The following PREX1 variants were observed in gnomAD, a reference collection of about 807,000 sequenced individuals.
PREX1 encodes phosphatidylinositol-3,4,5-trisphosphate dependent Rac exchange factor 1.
A neutral mutation model predicts 198.3 loss-of-function variants in PREX1; 41 were observed. The observed-to-expected ratio is 0.21, with a 90% CI of 0.16 to 0.27. The LOEUF is 0.27. PREX1 is among the 10% of genes least tolerant of loss of function. The pLI, the probability that PREX1 is intolerant of heterozygous loss-of-function variation, is 1.00. For synonymous variants in PREX1, 843 were observed against 887.2 expected (o/e 0.95, Z 0.89); for missense variants, 1,620 against 2,200.7 (o/e 0.74, Z 5.28).
chr20:48,735,958 C>T (rs1205735462), intron 3 of PREX1, among the ~76,000 whole-genome samples: 4 of 152,148 alleles, frequency 2.6e-5, no homozygotes, highest in Non-Finnish European at 5.9e-5. Flanking sequence ...CTGAAGGGCA[C>T]AGAGTGACTC....
At chr20:48,765,097 G>A (rs16994118) in intron 1 of PREX1, among the ~76,000 whole-genome samples, 4,859 of 152,258 alleles carry the variant, frequency 0.032, 129 homozygotes, top group African/African-American at 0.07. Flanking sequence ...CTGCTAGCTC[G>A]AAACATGTAC....
chr20:48,808,195 G>A lies in PREX1; in HGVS notation c.219+19447C>T, dbSNP rs79111075. Among the ~76,000 whole-genome samples the A allele has an allele frequency of 5.1e-3, 784 of 152,272 alleles. 6 individuals are homozygous for A. The highest frequency in any genetic ancestry group is 5.8e-3 in the Non-Finnish European group (392 of 68,010). ...GGGGCTGACCTCAGGCACAGGCACC[G>A]TGGGCAGAGCTGGAGCGGCCCCAAA... is the stretch of plus-strand genomic sequence containing the variant. On this transcript the variant is annotated intron_variant, in intron 1 of 39. Transcript: ENST00000371941.
At chr20:48,734,699 A>C (rs773264057) in intron 3 of PREX1, 49 bp from the exon 4 acceptor site, 17 of 1,547,814 alleles carry the variant, frequency 1.1e-5, no homozygotes, top group Non-Finnish European at 1.5e-5. Context: ...GGTAGCAGGC[A>C]GGTGCCCTGA....
chr20:48,653,889 G>A (rs116983962), intron 19 of PREX1, among the ~76,000 whole-genome samples: 292 of 152,336 alleles, frequency 1.9e-3, no homozygotes, highest in Middle Eastern at 0.014. Flanking sequence ...CCAGAAGCCA[G>A]GATTCCAACC....
At position 48,739,364 on chromosome 20, in the gene PREX1, TAGTATA is replaced by T. The variant is rs896008248; in HGVS notation, c.415-4720_415-4715del. ...GCTCATTTCAGACACATATTTTTTTTAGTATAAGTATGTCTCAAATATTCCATAAGA... is the reference window on the plus strand; with the variant it reads ...GCTCATTTCAGACACATATTTTTTTTAGTATGTCTCAAATATTCCATAAGA... On this transcript the variant is annotated intron_variant, in intron 3 of 39. Coordinates refer to ENST00000371941, the MANE Select transcript of PREX1 (RefSeq NM_020820.4). Among the ~76,000 whole-genome samples the T allele has an allele frequency of 3.3e-5, 5 of 152,342 alleles. No individual in the cohort carries two copies. The East Asian group carries it at 5.8e-4, about 18-fold the overall frequency.
chr20:48,713,863 A>G (rs1355065835), intron 5 of PREX1, among the ~76,000 whole-genome samples: 1 of 140,716 alleles, frequency 7.1e-6, no homozygotes, highest in Non-Finnish European at 1.5e-5. Flanking sequence ...ACTATAAAAA[A>G]AAAAAAAAAA....
chr20:48,733,660 G>A (rs1017527141), intron 4 of PREX1, among the ~76,000 whole-genome samples: 1 of 146,838 alleles, frequency 6.8e-6, no homozygotes, highest in African/African-American at 2.5e-5. Context: ...GCCCTCTCAG[G>A]TCTTAAACTC....
At chr20:48,800,138 A>T (rs1035171620) in intron 1 of PREX1, among the ~76,000 whole-genome samples, 2 of 152,180 alleles carry the variant, frequency 1.3e-5, no homozygotes, top group Non-Finnish European at 2.9e-5. Context: ...TACAACCCTT[A>T]AGGTAGCTAC....
At chr20:48,776,124 C>A (rs781508110) in intron 1 of PREX1, among the ~76,000 whole-genome samples, 7 of 152,138 alleles carry the variant, frequency 4.6e-5, no homozygotes, top group Non-Finnish European at 7.4e-5. Context: ...CCCCAAGGCC[C>A]AGCTGGAGAC....
At chr20:48,884,840 G>A in the PREX1 span, among the ~76,000 whole-genome samples, 5 of 152,148 alleles carry the variant, frequency 3.3e-5, no homozygotes, top group Non-Finnish European at 5.9e-5. Context: ...GGCAGGGCAC[G>A]GTGGCTCATG....
chr20:48,636,502 G>T lies in PREX1; in HGVS notation c.4128C>A (p.Val1376=). ...AGAGCAGGGACTGGCAGTGCAGCAGGACGCCCGTGGCCGCCACCTGCTCCA... is the reference window on the plus strand; with the variant it reads ...AGAGCAGGGACTGGCAGTGCAGCAGTACGCCCGTGGCCGCCACCTGCTCCA... The part of the protein sequence containing the change: ...KWLEQVAATG[V]LLHCQSLLSP... Residue 1376 remains valine, a synonymous_variant, in exon 32 of 40, where the codon GTC becomes GTA. Coordinates refer to ENST00000371941, the MANE Select transcript of PREX1 (RefSeq NM_020820.4). The T allele has an allele frequency of 6.2e-7, 1 of 1,609,294 alleles. No homozygotes were observed.
chr20:48,651,658 G>T, intron 21 of PREX1, 75 bp from the exon 22 acceptor site: 1 of 1,456,730 alleles, frequency 6.9e-7, no homozygotes. Context: ...GGATTCTGGA[G>T]GAAGCCTTCC....
chr20:48,801,576 G>A (rs1000526673), intron 1 of PREX1, among the ~76,000 whole-genome samples: 3 of 152,190 alleles, frequency 2.0e-5, no homozygotes, highest in Non-Finnish European at 4.4e-5. Context: ...ACCAGCCTGC[G>A]TCCTGCATCC....
intron 1 of PREX1, among the ~76,000 whole-genome samples, chr20:48,816,224 G>A (rs890675150): frequency 7.2e-5 from 11 of 152,288 alleles, no homozygotes. Context: ...CAGAGAGGGA[G>A]TAAATAAAGT....
chr20:48,864,779 A>G, the PREX1 span, among the ~76,000 whole-genome samples: 27 of 152,294 alleles, frequency 1.8e-4, no homozygotes, highest in East Asian at 2.1e-3. Flanking sequence ...GAGAAGCCAA[A>G]CTTCATTGTT....
In PREX1 at chr20:48,666,160, C is replaced by G. The variant is rs566214122; in HGVS notation, c.1738+123G>C. 4.2e-6 allele frequency: 4 copies of G among 955,598 alleles called. No individual in the cohort carries two copies. In the South Asian group the frequency reaches 6.1e-5, roughly 15 times the overall value. The allele number at this position is 955,598 out of a possible 1,614,324, so 59.2% of individuals were successfully genotyped here. A position where few individuals can be genotyped will look rare whatever the true frequency, so the allele number is the denominator to read the frequency against. On this transcript the variant is annotated intron_variant, in intron 15 of 39. Transcript: ENST00000371941. The surrounding 1 kb of genome is among the most constrained non-coding windows in gnomAD (Gnocchi z 4.3). Reference sequence around the variant, plus strand: ...AGGGGAGGGAGGTGGGATTCGTGAGCCTCCCCAAACCCCCGGGGGTCTAGA... The same window carrying G: ...AGGGGAGGGAGGTGGGATTCGTGAGGCTCCCCAAACCCCCGGGGGTCTAGA...
At chr20:48,839,034 T>C in the PREX1 span, among the ~76,000 whole-genome samples, 2 of 148,736 alleles carry the variant, frequency 1.3e-5, no homozygotes, top group South Asian at 4.3e-4. Context: ...AGGAAATATA[T>C]TTTAAAATAA....
intron 33 of PREX1, 145 bp downstream of exon 33, chr20:48,634,531 G>T (rs927613703): frequency 9.3e-6 from 6 of 643,606 alleles, no homozygotes; most frequent in Non-Finnish European, 5.2e-6. Context: ...TCATGTTGGA[G>T]GCATGAGGTT....
the PREX1 span, among the ~76,000 whole-genome samples, chr20:48,847,376 A>AAAAAAAAAAAACAAAAC: frequency 6.6e-6 from 1 of 151,096 alleles, no homozygotes; most frequent in African/African-American, 2.4e-5. Context: ...AAAAAAAAAA[A>AAAAAAAAAAAACAAAAC]AAAAAAAACA....
Sources: gnomAD v4.1 joint callset for allele counts (sites outside exome capture counted in the v4.1 genomes callset) on GRCh38, gnomAD v4.1.1 for gene constraint, Gnocchi (gnomAD v3.1) non-coding constraint, MANE v1.5 for transcripts, NCBI Gene and HGNC (gene_info 2026-07-23, HGNC 2026-07-21) for gene names.